PHF19: variants seen among roughly 807,000 people sequenced by gnomAD.
PHF19 encodes polycomb like 3.
In PHF19, 21 loss-of-function variants were observed where a neutral mutation model predicts 79.8. The ratio of observed to expected loss-of-function variants is 0.26; its 90% confidence interval spans 0.19 to 0.38. PHF19 has a LOEUF of 0.38. Among genes scored for constraint, PHF19 ranks in the 10% least tolerant of loss-of-function variants. The probability of loss-of-function intolerance (pLI) is 1.00; values close to 1 mark genes in which losing one functional copy is unlikely to be tolerated. For synonymous variants in PHF19, 273 were observed against 296.3 expected (o/e 0.92, Z 0.81); for missense variants, 445 against 744.2 (o/e 0.60, Z 4.68).
At position 120,860,980 on chromosome 9, in the gene PHF19, T is replaced by G; in HGVS notation, c.1304+109A>C. 1.3e-6 allele frequency: 1 copy of G among 746,270 alleles called. No homozygotes were observed. Among genetic ancestry groups the G allele is most frequent in the Admixed American group, 1.8e-5 (1 of 55,014 alleles). 46.2% of individuals were successfully genotyped at this position (746,270 alleles called of 1,614,324 possible). On this transcript the variant is annotated intron_variant, in intron 13 of 14. Coordinates refer to ENST00000373896, the MANE Select transcript of PHF19 (RefSeq NM_015651.3). The surrounding 1 kb of genome is among the most constrained non-coding windows in gnomAD (Gnocchi z 4.1). ...TGAAAGCTCTACTGCAAAAAGCCCC[T>G]TCAGACAGACCTGCACAGCAGGGAT...
At position 120,860,440 on chromosome 9, in the gene PHF19, A is replaced by G; in HGVS notation, c.1305-255T>C. 1 of 473,748 alleles carries G rather than the reference A, an allele frequency of 2.1e-6. No individual in the cohort carries two copies. Among genetic ancestry groups the G allele is most frequent in the East Asian group, 4.0e-5 (1 of 24,974 alleles). The allele number at this position is 473,748 out of a possible 1,614,324, so 29.3% of individuals were successfully genotyped here. A position where few individuals can be genotyped will look rare whatever the true frequency, so the allele number is the denominator to read the frequency against. On this transcript the variant is annotated intron_variant, in intron 13 of 14. Transcript: ENST00000373896. This position sits in a 1 kb window ranked among gnomAD's most constrained non-coding sequence, Gnocchi z 4.1. The stretch of plus-strand genomic sequence containing the variant: ...GGTGTCAATAACTCGAGCGTGATCC[A>G]AGGCACCTGTGCAACACTTCACAGG...
chr9:120,862,751 TG>T lies in PHF19; in HGVS notation c.969-3del, dbSNP rs753685113. 1 of 1,613,908 alleles carries T rather than the reference TG, an allele frequency of 6.2e-7. No individual in the cohort carries two copies. The highest frequency in any genetic ancestry group is 8.5e-7 in the Non-Finnish European group (1 of 1,179,902). On this transcript the variant is annotated splice_region_variant and splice_polypyrimidine_tract_variant and intron_variant, in intron 10 of 14. Coordinates refer to ENST00000373896, the MANE Select transcript of PHF19 (RefSeq NM_015651.3). This position sits in a 1 kb window ranked among gnomAD's most constrained non-coding sequence, Gnocchi z 4.6. ...TTGATCTCCTTGCCGCAGAGGAACC[TG>T]GGGGTGGGCAGTGGGAGGAAGAAGC...
chr9:120,882,457 CACTT>C (rs752038258), intron 1 of PHF19, among the ~76,000 whole-genome samples: 5 of 152,140 alleles, frequency 3.3e-5, no homozygotes, highest in Non-Finnish European at 7.3e-5. Context: ...ATGACAAATT[CACTT>C]ACTTAAAATA....
At chr9:120,898,673 G>T (rs2046419646), upstream of PHF19, among the ~76,000 whole-genome samples, 1 of 152,174 alleles carries the variant, frequency 6.6e-6, no homozygotes, top group Non-Finnish European at 1.5e-5. Flanking sequence ...GGACTTAAGG[G>T]TTTGAACCTG....
chr9:120,861,855 G>A (rs2045537473), intron 12 of PHF19, 63 bp downstream of exon 12: 4 of 1,163,640 alleles, frequency 3.4e-6, no homozygotes, highest in African/African-American at 3.0e-5. Flanking sequence ...TTTCGGCACA[G>A]GAAGCCCTAA....
At chr9:120,882,840 C>T (rs1443223463) in intron 1 of PHF19, among the ~76,000 whole-genome samples, 3 of 89,204 alleles carry the variant, frequency 3.4e-5, no homozygotes, top group Non-Finnish European at 6.9e-5. Flanking sequence ...AAAACTCCAT[C>T]TCAAAAAAAA....
chr9:120,856,636 G>A lies in PHF19; in HGVS notation c.*1308C>T, dbSNP rs975660048. 1.3e-5 allele frequency: 2 copies of A among 152,470 alleles called. No individual in the cohort carries two copies. Among genetic ancestry groups the A allele is most frequent in the Non-Finnish European group, 1.5e-5 (1 of 68,064 alleles). The allele number at this position is 152,470 out of a possible 1,614,324, so 9.4% of individuals were successfully genotyped here. Reference sequence around the variant, plus strand: ...CCAGATGAGGCAGAATTTGAATGTTGGTTCCAAAAATTCTCTTTCAAACCC... The same window carrying A: ...CCAGATGAGGCAGAATTTGAATGTTAGTTCCAAAAATTCTCTTTCAAACCC... On this transcript the variant is annotated 3_prime_UTR_variant, in exon 15 of 15. Coordinates refer to ENST00000373896, the MANE Select transcript of PHF19 (RefSeq NM_015651.3).
intron 10 of PHF19, 76 bp downstream of exon 10, chr9:120,863,973 G>A (rs2045617557): frequency 8.4e-7 from 1 of 1,183,986 alleles, no homozygotes; most frequent in Non-Finnish European, 1.2e-6. Context: ...AGCATAGCCT[G>A]AGCAAAGGCT....
chr9:120,900,464 A>C, the PHF19 span, among the ~76,000 whole-genome samples: 8 of 152,372 alleles, frequency 5.3e-5, no homozygotes, highest in Middle Eastern at 3.4e-3. Flanking sequence ...TCAAAAATGC[A>C]AAGAAAATCA....
Position 120,874,070 on chromosome 9 carries a change from A to G in PHF19, c.187-10T>C, listed in dbSNP as rs746004696. The G allele has an allele frequency of 1.9e-6, 3 of 1,542,014 alleles. No homozygotes were observed. Among genetic ancestry groups the G allele is most frequent in the Admixed American group, 3.4e-5 (2 of 58,434 alleles). On this transcript the variant is annotated splice_polypyrimidine_tract_variant and intron_variant, in intron 2 of 14. Coordinates refer to ENST00000373896, the MANE Select transcript of PHF19 (RefSeq NM_015651.3). The surrounding 1 kb of genome is among the most constrained non-coding windows in gnomAD (Gnocchi z 4.5). ...GCTTAGAGCTGCTGACCTGGGGTAC[A>G]GATAGGAAGGAGCAAGTGAGAAAGG...
chr9:120,860,080 G>A lies in PHF19; in HGVS notation c.1400+10C>T. On this transcript the variant is annotated intron_variant, in intron 14 of 14. Transcript: ENST00000373896. This position sits in a 1 kb window ranked among gnomAD's most constrained non-coding sequence, Gnocchi z 4.1. The stretch of plus-strand genomic sequence containing the variant: ...GCAAAATGTGAAGGCCAGACCTCTA[G>A]GAAGCTCACCTGGAGTCATAGGAGA... The A allele has an allele frequency of 6.7e-7, 1 of 1,499,456 alleles. No individual in the cohort carries two copies. The highest frequency in any genetic ancestry group is 9.2e-7 in the Non-Finnish European group (1 of 1,087,774). The allele number at this position is 1,499,456 out of a possible 1,614,324, so 92.9% of individuals were successfully genotyped here.
At chr9:120,861,494 G>C (rs78053605) in intron 12 of PHF19, among the ~76,000 whole-genome samples, 1 of 152,136 alleles carries the variant, frequency 6.6e-6, no homozygotes, top group African/African-American at 2.4e-5. Context: ...CTTCTAAACC[G>C]CAAAGTGCTG....
intron 3 of PHF19, among the ~76,000 whole-genome samples, chr9:120,872,218 C>T (rs1342060780): frequency 2.0e-5 from 3 of 152,258 alleles, no homozygotes; most frequent in African/African-American, 7.2e-5. Context: ...GCCCACAGTG[C>T]ATCTCAGTAA....
chr9:120,864,084 T>C lies in PHF19; in HGVS notation c.933A>G (p.Pro311=), dbSNP rs146342920. Residue 311 remains proline, a synonymous_variant, in exon 10 of 15, where the codon CCA becomes CCG. Transcript: ENST00000373896. ...LTSTPVTDRG[P]HLLNALNSYK... ...AACTGTTCAGAGCGTTGAGGAGATG[T>C]GGTCCTCGATCTGTCACTGGGGTGC... 9 of 1,613,820 alleles carry C rather than the reference T, an allele frequency of 5.6e-6. No homozygotes were observed. The highest frequency in any genetic ancestry group is 7.6e-6 in the Non-Finnish European group (9 of 1,179,936).
intron 9 of PHF19, among the ~76,000 whole-genome samples, chr9:120,864,827 G>A (rs1006890938): frequency 5.9e-5 from 9 of 151,718 alleles, no homozygotes; most frequent in African/African-American, 1.7e-4. Flanking sequence ...GAAGAGAGTC[G>A]GAAAGGAAAT....
At chr9:120,858,811 TCACACACA>T (rs56042039) in intron 14 of PHF19, among the ~76,000 whole-genome samples, 2,196 of 122,872 alleles carry the variant, frequency 0.018, 63 homozygotes, top group African/African-American at 0.059. Context: ...CTGACAGACA[TCACACACA>T]CACACACACA....
At chr9:120,878,982 A>C (rs1376617810), upstream of PHF19, among the ~76,000 whole-genome samples, 1 of 152,076 alleles carries the variant, frequency 6.6e-6, no homozygotes, top group African/African-American at 2.4e-5. Flanking sequence ...GAGATGATAG[A>C]GCGAAGTGCT....
At chr9:120,858,986 G>A (rs2045435381) in intron 14 of PHF19, among the ~76,000 whole-genome samples, 1 of 152,152 alleles carries the variant, frequency 6.6e-6, no homozygotes, top group Non-Finnish European at 1.5e-5. Context: ...AGGCATGGTG[G>A]TGCACGCCTG....
chr9:120,881,240 C>T (rs991949851), upstream of PHF19, among the ~76,000 whole-genome samples: 4 of 151,416 alleles, frequency 2.6e-5, no homozygotes, highest in East Asian at 2.0e-4. Flanking sequence ...CTCCGCCTCC[C>T]GGGTTCACGC....
Sources: gnomAD v4.1 joint callset for allele counts (sites outside exome capture counted in the v4.1 genomes callset) on GRCh38, gnomAD v4.1.1 for gene constraint, Gnocchi (gnomAD v3.1) non-coding constraint, MANE v1.5 for transcripts, NCBI Gene and HGNC (gene_info 2026-07-23, HGNC 2026-07-21) for gene names.